RFFL: variants seen among roughly 807,000 people sequenced by gnomAD.
The protein encoded by RFFL is ring finger and FYVE like domain containing E3 ubiquitin protein ligase.
Under a neutral mutation model 40.4 loss-of-function variants are expected in RFFL, and 16 were observed. That is an observed-to-expected ratio of 0.40 (90% CI 0.27 to 0.60). The LOEUF (loss-of-function observed/expected upper bound fraction) is 0.60, where lower values mean the gene tolerates loss of function less well. Ranked by LOEUF, RFFL falls within the 20% of genes least tolerant of loss-of-function variation. RFFL has a pLI of 0.47. For missense variants in RFFL, 367 were observed against 451.7 expected (o/e 0.81, Z 1.70); for synonymous variants, 154 against 167.9 (o/e 0.92, Z 0.64).
chr17:35,072,850 C>T (rs2091357920), intron 1 of RFFL, among the ~76,000 whole-genome samples: 1 of 152,090 alleles, frequency 6.6e-6, no homozygotes, highest in African/African-American at 2.4e-5. Context: ...TCGAGACCAG[C>T]CTGACCAACA....
chr17:35,025,763 C>T (rs2091037076), intron 2 of RFFL, among the ~76,000 whole-genome samples: 1 of 152,204 alleles, frequency 6.6e-6, no homozygotes, highest in South Asian at 2.1e-4. Context: ...GGAGGGTGCA[C>T]ACCTAGACAC....
intron 1 of RFFL, among the ~76,000 whole-genome samples, chr17:35,082,543 A>T (rs1322594508): frequency 1.3e-5 from 2 of 152,196 alleles, no homozygotes; most frequent in African/African-American, 2.4e-5. Flanking sequence ...CTTCTTACCC[A>T]TATTCTCTGG....
At chr17:35,039,466 C>T (rs933596368) in intron 1 of RFFL, among the ~76,000 whole-genome samples, 1 of 152,196 alleles carries the variant, frequency 6.6e-6, no homozygotes, top group African/African-American at 2.4e-5. Flanking sequence ...GATCCGCCCA[C>T]CTCGGCCTCC....
In RFFL at chr17:35,048,853, C is replaced by G. The variant is rs142992042; in HGVS notation, c.-9+14723G>C. Among the ~76,000 whole-genome samples, 920 of 152,304 alleles carry G rather than the reference C, an allele frequency of 6.0e-3. 3 individuals are homozygous for G. Among genetic ancestry groups the G allele is most frequent in the Middle Eastern group, 0.017 (5 of 294 alleles). On this transcript the variant is annotated intron_variant, in intron 1 of 6. Transcript: ENST00000394597. ...CCCCCTTCCTCCCACAGACCTTTAG[C>G]TTGGTTTGATGTTTGATCTCAATCT...
intron 1 of RFFL, among the ~76,000 whole-genome samples, chr17:35,036,010 A>G: frequency 6.6e-6 from 1 of 152,040 alleles, no homozygotes; most frequent in East Asian, 1.9e-4. Context: ...CCACTCTGAC[A>G]GATATTTAAA....
intron 1 of RFFL, among the ~76,000 whole-genome samples, chr17:35,062,131 G>A (rs1239691203): frequency 2.6e-5 from 4 of 151,984 alleles, no homozygotes; most frequent in African/African-American, 4.8e-5. Context: ...AAGGCCGGGC[G>A]CGGTGGCTCA....
intron 3 of RFFL, 116 bp downstream of exon 3, chr17:35,021,255 C>A (rs2091006462): frequency 9.4e-7 from 1 of 1,063,662 alleles, no homozygotes; most frequent in East Asian, 2.7e-5. Context: ...AGAAAGGCTT[C>A]ACATAATCAA....
At chr17:35,053,648 G>A (rs1369558172) in intron 1 of RFFL, among the ~76,000 whole-genome samples, 1 of 152,148 alleles carries the variant, frequency 6.6e-6, no homozygotes, top group African/African-American at 2.4e-5. Flanking sequence ...CTTTGCAGGA[G>A]GATCACTGGG....
intron 1 of RFFL, among the ~76,000 whole-genome samples, chr17:35,079,459 C>T (rs1317006779): frequency 1.3e-5 from 2 of 152,204 alleles, no homozygotes; most frequent in Middle Eastern, 3.2e-3. Flanking sequence ...TAATTGTCAA[C>T]GTATTTTCCT....
chr17:35,018,327 T>C (rs1967950938), intron 3 of RFFL, among the ~76,000 whole-genome samples: 1 of 152,244 alleles, frequency 6.6e-6, no homozygotes, highest in African/African-American at 2.4e-5. Flanking sequence ...ACACTGCCTA[T>C]GCTTACGGAA....
In RFFL at chr17:35,010,745, C is replaced by CAAAAAA. The variant is rs59246535; in HGVS notation, c.*1217_*1222dup. 5.8e-3 allele frequency: 770 copies of CAAAAAA among 132,298 alleles called. 9 individuals carry two copies. Among genetic ancestry groups the CAAAAAA allele is most frequent in the African/African-American group, 0.02 (704 of 35,004 alleles). The allele number at this position is 132,298 out of a possible 1,614,324, so 8.2% of individuals were successfully genotyped here. On this transcript the variant is annotated 3_prime_UTR_variant, in exon 7 of 7. Coordinates refer to ENST00000394597, the MANE Select transcript of RFFL (RefSeq NM_001017368.2). ...CCAGCCTGGGCAACAGAGTGAGACT[C>CAAAAAA]AAAAAAAAAAAAAAAATGCTTTCTC... is the stretch of plus-strand genomic sequence containing the variant.
At chr17:35,046,357 T>A (rs2091200274) in intron 1 of RFFL, among the ~76,000 whole-genome samples, 1 of 152,026 alleles carries the variant, frequency 6.6e-6, no homozygotes, top group Non-Finnish European at 1.5e-5. Context: ...CAAATAAACA[T>A]GAAAACAACA....
upstream of RFFL, among the ~76,000 whole-genome samples, chr17:35,068,518 A>AC (rs2091331943): frequency 6.6e-6 from 1 of 151,770 alleles, no homozygotes; most frequent in Non-Finnish European, 1.5e-5. Flanking sequence ...CTGCAAAACA[A>AC]CCCCCCAGTT....
At chr17:35,050,816 T>G (rs773045142) in intron 1 of RFFL, among the ~76,000 whole-genome samples, 2 of 152,084 alleles carry the variant, frequency 1.3e-5, no homozygotes, top group African/African-American at 2.4e-5. Context: ...CTACTAAAAA[T>G]ACAGAATTTG....
chr17:35,015,564 A>G (rs563460670), intron 5 of RFFL, among the ~76,000 whole-genome samples: 2 of 152,194 alleles, frequency 1.3e-5, no homozygotes, highest in African/African-American at 2.4e-5. Flanking sequence ...CAGTCAGATG[A>G]CCCCTAACAC....
intron 1 of RFFL, among the ~76,000 whole-genome samples, chr17:35,028,572 T>C (rs1468113816): frequency 6.6e-6 from 1 of 152,078 alleles, no homozygotes. Flanking sequence ...TGTAGATACT[T>C]TGAGCCTGAA....
At chr17:35,067,336 T>C (rs545122756), upstream of RFFL, among the ~76,000 whole-genome samples, 3 of 152,140 alleles carry the variant, frequency 2.0e-5, no homozygotes, top group East Asian at 5.8e-4. Flanking sequence ...CAGGCTGGTC[T>C]CGAACTCCTG....
chr17:35,035,581 G>T (rs965779939), intron 1 of RFFL, among the ~76,000 whole-genome samples: 1 of 151,498 alleles, frequency 6.6e-6, no homozygotes, highest in Non-Finnish European at 1.5e-5. Flanking sequence ...CAGTCTAACA[G>T]AACAGGTTTG....
chr17:35,036,219 T>C (rs1452828248), intron 1 of RFFL: 1 of 152,170 alleles, frequency 6.6e-6, no homozygotes, highest in Non-Finnish European at 1.5e-5. Context: ...CCTAAATAGA[T>C]ATACATACAT....
Sources: allele counts gnomAD v4.1 joint callset (sites outside exome capture counted in the v4.1 genomes callset), GRCh38; gene constraint gnomAD v4.1.1; transcripts MANE v1.5; gene names NCBI Gene and HGNC (gene_info 2026-07-23, HGNC 2026-07-21).